GRIA3: variants seen among roughly 807,000 people sequenced by gnomAD.
The protein encoded by GRIA3 is glutamate receptor 3.
Under a neutral mutation model 63.0 loss-of-function variants are expected in GRIA3, and 3 were observed. That is an observed-to-expected ratio of 0.05 (90% CI 0.02 to 0.12). The LOEUF is 0.12. GRIA3 is among the 10% of genes least tolerant of loss of function. GRIA3 has a pLI of 1.00. For synonymous variants in GRIA3, 274 were observed against 257.9 expected, an observed-to-expected ratio of 1.06 and a Z score of -0.60; for missense variants, 347 against 700.9, an observed-to-expected ratio of 0.50 and a Z score of 5.70.
At chrX:123,312,716 C>T (rs1009674759) in intron 3 of GRIA3, among the ~76,000 whole-genome samples, 3 of 112,159 alleles carry the variant, frequency 2.7e-5, no homozygotes, top group Admixed American at 9.4e-5. Context: ...GTGTTGTAGG[C>T]AAAGTGCAAG....
chrX:123,278,056 G>T (rs1217499891), intron 3 of GRIA3, among the ~76,000 whole-genome samples: 1 of 112,134 alleles, frequency 8.9e-6, no homozygotes, highest in African/African-American at 3.2e-5. Context: ...ACAACAGGCT[G>T]CAGGCTTCAT....
chrX:123,219,728 C>T lies in GRIA3; in HGVS notation c.269-33575C>T, dbSNP rs148321245. Among the ~76,000 whole-genome samples, 648 of 112,102 alleles carry T rather than the reference C, an allele frequency of 5.8e-3. 7 individuals are homozygous for T. Among genetic ancestry groups the T allele is most frequent in the African/African-American group, 0.02 (613 of 30,829 alleles). On this transcript the variant is annotated intron_variant, in intron 2 of 15. Transcript: ENST00000620443. ...AATGCCTGACACAGCAAAGGGCCTC[C>T]GGGTCCTTGCTCCAGGGCTACAGCT...
At chrX:123,189,812 C>T (rs1302079566) in intron 2 of GRIA3, among the ~76,000 whole-genome samples, 1 of 111,198 alleles carries the variant, frequency 9.0e-6, no homozygotes, top group African/African-American at 3.3e-5. Flanking sequence ...AGGTAAAATC[C>T]CTTTTGCTGG....
At chrX:123,184,781 G>A (rs1927207323) in intron 1 of GRIA3, 137 bp downstream of exon 1, 1 of 516,519 alleles carries the variant, frequency 1.9e-6, no homozygotes, top group Admixed American at 2.7e-5. Flanking sequence ...GGGCAGAGAT[G>A]GTGCGGGGCG....
intron 12 of GRIA3, among the ~76,000 whole-genome samples, chrX:123,451,336 T>C (rs901904751): frequency 9.4e-6 from 1 of 106,514 alleles, no homozygotes; most frequent in Non-Finnish European, 1.9e-5. Context: ...TCTCCATCTC[T>C]ACAAAGAAAT....
At chrX:123,472,461 C>G (rs749066137) in intron 13 of GRIA3, among the ~76,000 whole-genome samples, 1 of 111,612 alleles carries the variant, frequency 9.0e-6, no homozygotes, top group South Asian at 3.8e-4. Flanking sequence ...TTCAAAGGAT[C>G]TTAAACCAGA....
intron 3 of GRIA3, among the ~76,000 whole-genome samples, chrX:123,317,522 G>C (rs2044839750): frequency 8.9e-6 from 1 of 111,948 alleles, no homozygotes; most frequent in Non-Finnish European, 1.9e-5. Context: ...TTCCAAATGA[G>C]AGTGATTTGC....
intron 10 of GRIA3, among the ~76,000 whole-genome samples, chrX:123,407,713 A>T (rs1043168504): frequency 3.0e-4 from 13 of 43,695 alleles, no homozygotes; most frequent in East Asian, 1.5e-3. Flanking sequence ...GGACGTGGGG[A>T]CACAAATATT....
intron 3 of GRIA3, among the ~76,000 whole-genome samples, chrX:123,268,426 G>A (rs1010806456): frequency 9.2e-6 from 1 of 109,283 alleles, no homozygotes; most frequent in Non-Finnish European, 1.9e-5. Context: ...ATTTACCAAA[G>A]CTACCCATTC....
At chrX:123,349,520 T>C (rs753823065) in intron 4 of GRIA3, among the ~76,000 whole-genome samples, 1 of 112,932 alleles carries the variant, frequency 8.9e-6, no homozygotes, top group East Asian at 2.8e-4. Flanking sequence ...TCAATTGCCT[T>C]CTCTCTGCAT....
At chrX:123,451,895 G>A in intron 12 of GRIA3, among the ~76,000 whole-genome samples, 1 of 111,884 alleles carries the variant, frequency 8.9e-6, no homozygotes, top group Non-Finnish European at 1.9e-5. Context: ...AAACTTTAGT[G>A]AGGTCAGAGC....
intron 11 of GRIA3, among the ~76,000 whole-genome samples, chrX:123,418,326 G>A (rs1440676181): frequency 9.0e-6 from 1 of 111,442 alleles, no homozygotes; most frequent in Non-Finnish European, 1.9e-5. Context: ...GAAAACATAG[G>A]AGAATATCTG....
chrX:123,264,045 G>A (rs1271213200), intron 3 of GRIA3, among the ~76,000 whole-genome samples: 1 of 112,043 alleles, frequency 8.9e-6, no homozygotes, highest in Non-Finnish European at 1.9e-5. Flanking sequence ...AGCTATTAAG[G>A]GAAACAGAGA....
At chrX:123,375,476 A>C (rs776403048) in intron 5 of GRIA3, among the ~76,000 whole-genome samples, 1 of 112,078 alleles carries the variant, frequency 8.9e-6, no homozygotes, top group Non-Finnish European at 1.9e-5. Context: ...GTCTAGGGAT[A>C]ATTTATGAGC....
At chrX:123,313,789 T>G (rs1603087320) in intron 3 of GRIA3, among the ~76,000 whole-genome samples, 1 of 112,076 alleles carries the variant, frequency 8.9e-6, no homozygotes, top group East Asian at 2.8e-4. Flanking sequence ...GGCCACAATG[T>G]GAACTACTCT....
intron 5 of GRIA3, among the ~76,000 whole-genome samples, chrX:123,380,257 C>G (rs1472035977): frequency 8.9e-6 from 1 of 111,926 alleles, no homozygotes. Context: ...TACAGTCCCA[C>G]CAACAGTGTA....
chrX:123,341,448 T>G (rs1198792490), intron 4 of GRIA3, among the ~76,000 whole-genome samples: 1 of 111,625 alleles, frequency 9.0e-6, no homozygotes, highest in Non-Finnish European at 1.9e-5. Flanking sequence ...CAAGCATTCA[T>G]TAAAAAAAAA....
intron 12 of GRIA3, among the ~76,000 whole-genome samples, chrX:123,431,501 T>G (rs2147403648): frequency 8.9e-6 from 1 of 111,943 alleles, no homozygotes; most frequent in Non-Finnish European, 1.9e-5. Flanking sequence ...ATTTGAAAAC[T>G]GATTTCCTTA....
chrX:123,322,519 A>G (rs1262197966), intron 3 of GRIA3, among the ~76,000 whole-genome samples: 1 of 111,750 alleles, frequency 8.9e-6, no homozygotes, highest in Admixed American at 9.5e-5. Context: ...TGCTCCTACA[A>G]GCACCAATGC....
Sources: allele counts gnomAD v4.1 joint callset (sites outside exome capture counted in the v4.1 genomes callset), GRCh38; gene constraint gnomAD v4.1.1; transcripts MANE v1.5; gene names NCBI Gene and HGNC (gene_info 2026-07-23, HGNC 2026-07-21).